PPP1R13B: variants seen among roughly 807,000 people sequenced by gnomAD.
PPP1R13B encodes protein phosphatase 1 regulatory subunit 13B, also known as apoptosis-stimulating of p53 protein 1.
PPP1R13B carries 44 observed loss-of-function variants against 119.8 expected under a neutral mutation model. The ratio of observed to expected loss-of-function variants is 0.37; its 90% CI spans 0.29 to 0.47. The LOEUF (loss-of-function observed/expected upper bound fraction) is 0.47, where lower values mean the gene tolerates loss of function less well. PPP1R13B is among the 20% of genes least tolerant of loss of function. The pLI is 0.99. For missense variants in PPP1R13B, 1,227 were observed against 1,413.5 expected, an observed-to-expected ratio of 0.87 and a Z score of 2.12; for synonymous variants, 542 against 561.5, an observed-to-expected ratio of 0.97 and a Z score of 0.49.
intron 1 of PPP1R13B, among the ~76,000 whole-genome samples, chr14:103,799,460 C>G (rs1378853605): frequency 6.6e-6 from 1 of 151,582 alleles, no homozygotes; most frequent in East Asian, 2.0e-4. Context: ...TTACAGGCGT[C>G]AGCCATTGCG....
chr14:103,749,955 C>A (rs1217932098), intron 7 of PPP1R13B, 21 bp from the exon 8 acceptor site: 2 of 1,605,204 alleles, frequency 1.2e-6, no homozygotes, highest in Admixed American at 3.5e-5. Flanking sequence ...CAAAATACAA[C>A]CTTTATGATT....
Position 103,742,019 on chromosome 14 carries a change from C to A in PPP1R13B, c.1593G>T (p.Pro531=). The A allele has an allele frequency of 1.2e-6, 2 of 1,614,244 alleles. No individual in the cohort carries two copies. The highest frequency in any genetic ancestry group is 1.7e-6 in the Non-Finnish European group (2 of 1,180,052). Residue 531 remains proline, a synonymous_variant, in exon 11 of 17, where the codon CCG becomes CCT. Coordinates refer to ENST00000202556, the MANE Select transcript of PPP1R13B (RefSeq NM_015316.3). The surrounding 1 kb of genome is among the most constrained non-coding windows in gnomAD (Gnocchi z 4.9). ...RISVPPSPTY[P]PAGPPAFPAG... Reference sequence around the variant, plus strand: ...CTGGAAATGCAGGTGGTCCCGCTGGCGGGTACGTGGGACTTGGCGGTACGG... The same window carrying A: ...CTGGAAATGCAGGTGGTCCCGCTGGAGGGTACGTGGGACTTGGCGGTACGG...
chr14:103,737,392 C>T, intron 15 of PPP1R13B: 1 of 259,830 alleles, frequency 3.8e-6, no homozygotes, highest in Non-Finnish European at 7.3e-6. Flanking sequence ...TGGCGAAACA[C>T]TGTCTCTACA....
At position 103,734,655 on chromosome 14, in the gene PPP1R13B, C is replaced by T. The variant is rs767018510; in HGVS notation, c.*499G>A. 4 of 456,618 alleles carry T rather than the reference C, an allele frequency of 8.8e-6. No individual in the cohort carries two copies. Among genetic ancestry groups the T allele is most frequent in the South Asian group, 4.6e-5 (3 of 64,560 alleles). 28.3% of individuals were successfully genotyped at this position (456,618 alleles called of 1,614,324 possible). ...CAGCAACACTGGACATGTTTCCATACAGAGGCTCCTTTGGTGATGAAGGGA... is the reference window on the plus strand; with the variant it reads ...CAGCAACACTGGACATGTTTCCATATAGAGGCTCCTTTGGTGATGAAGGGA... On this transcript the variant is annotated 3_prime_UTR_variant, in exon 17 of 17. Transcript: ENST00000202556.
At chr14:103,792,168 T>TCGTGTG (rs2085637256) in intron 2 of PPP1R13B, among the ~76,000 whole-genome samples, 1 of 62,406 alleles carries the variant, frequency 1.6e-5, no homozygotes, top group South Asian at 7.6e-4. Flanking sequence ...CCTCTATTCA[T>TCGTGTG]CGTGTGTGTG....
At chr14:103,751,554 C>CT (rs780654313) in intron 7 of PPP1R13B, among the ~76,000 whole-genome samples, 6 of 152,140 alleles carry the variant, frequency 3.9e-5, no homozygotes, top group Non-Finnish European at 7.4e-5. Context: ...CCCAAAATCT[C>CT]TATGTTGAAG....
chr14:103,846,844 C>T (rs958872129), intron 1 of PPP1R13B: 9 of 491,278 alleles, frequency 1.8e-5, no homozygotes, highest in Non-Finnish European at 3.1e-5. Flanking sequence ...GGCACCTTTC[C>T]TCAGTACAAC....
chr14:103,742,871 A>T lies in PPP1R13B; in HGVS notation c.1151-48T>A. Reference sequence around the variant, plus strand: ...CGTAAAACTTTTCTCAATGTAGTTGAACCAACCTAAGAATAACACTCTGCC... The same window carrying T: ...CGTAAAACTTTTCTCAATGTAGTTGTACCAACCTAAGAATAACACTCTGCC... On this transcript the variant is annotated intron_variant, in intron 9 of 16. Transcript: ENST00000202556. The surrounding 1 kb of genome is among the most constrained non-coding windows in gnomAD (Gnocchi z 4.9). The T allele has an allele frequency of 6.3e-7, 1 of 1,599,318 alleles. No individual in the cohort carries two copies. The highest frequency in any genetic ancestry group is 8.5e-7 in the Non-Finnish European group (1 of 1,169,908).
At chr14:103,842,716 C>A (rs748830139) in intron 1 of PPP1R13B, among the ~76,000 whole-genome samples, 7 of 151,916 alleles carry the variant, frequency 4.6e-5, no homozygotes, top group Non-Finnish European at 1.0e-4. Context: ...TGGCTCACAC[C>A]TGTAATCCCA....
chr14:103,786,882 A>AT, intron 2 of PPP1R13B, among the ~76,000 whole-genome samples: 1 of 147,008 alleles, frequency 6.8e-6, no homozygotes, highest in African/African-American at 2.5e-5. Flanking sequence ...TAATTTTTGT[A>AT]TTTTTAGTAG....
intron 2 of PPP1R13B, among the ~76,000 whole-genome samples, chr14:103,786,694 G>C (rs970803165): frequency 1.3e-5 from 2 of 150,202 alleles, no homozygotes; most frequent in African/African-American, 4.9e-5. Context: ...GAACCTAGGA[G>C]GCGGAGGTTG....
chr14:103,765,428 C>T (rs536901303), intron 4 of PPP1R13B, among the ~76,000 whole-genome samples: 2 of 152,154 alleles, frequency 1.3e-5, no homozygotes, highest in Non-Finnish European at 2.9e-5. Flanking sequence ...TCTGGCCTCT[C>T]TCCACCAAAC....
rs1177605285 is a variant in PPP1R13B, at chr14:103,783,651, A to G, written c.277+1144T>C. On this transcript the variant is annotated intron_variant, in intron 3 of 16. Coordinates refer to ENST00000202556, the MANE Select transcript of PPP1R13B (RefSeq NM_015316.3). The stretch of plus-strand genomic sequence containing the variant: ...ACTGCAGCCTTCACCTCCTGGGCTC[A>G]ATCGATCCTCCCACCTCAGCCTCCC... 2.6e-5 allele frequency among the ~76,000 whole-genome samples: 4 copies of G among 151,878 alleles called. No individual in the cohort carries two copies. The East Asian group carries it at 5.8e-4, about 22-fold the overall frequency.
At chr14:103,757,819 C>G (rs1285596287) in intron 4 of PPP1R13B, 68 bp from the exon 5 acceptor site, 1 of 1,342,586 alleles carries the variant, frequency 7.4e-7, no homozygotes, top group East Asian at 2.3e-5. Context: ...AGTGTCAAAA[C>G]TCACACATAT....
chr14:103,837,301 T>C (rs1053583971), intron 1 of PPP1R13B, among the ~76,000 whole-genome samples: 1 of 152,182 alleles, frequency 6.6e-6, no homozygotes, highest in Non-Finnish European at 1.5e-5. Context: ...ATTTAACATA[T>C]CTATTTTACC....
chr14:103,800,525 G>A (rs1435479886), intron 1 of PPP1R13B, among the ~76,000 whole-genome samples: 6 of 151,944 alleles, frequency 3.9e-5, no homozygotes, highest in Admixed American at 2.0e-4. Flanking sequence ...GTGGTGGCCC[G>A]CGCCTCTAGT....
intron 1 of PPP1R13B, 152 bp downstream of exon 1, chr14:103,847,147 G>A (rs1371726891): frequency 3.1e-6 from 3 of 982,616 alleles, no homozygotes; most frequent in African/African-American, 3.5e-5. Context: ...CGCCTGGGGG[G>A]CGCCGCGGCC....
At chr14:103,807,002 A>G (rs1458610169) in intron 1 of PPP1R13B, among the ~76,000 whole-genome samples, 1 of 152,178 alleles carries the variant, frequency 6.6e-6, no homozygotes, top group Non-Finnish European at 1.5e-5. Flanking sequence ...AATAAATTTC[A>G]AAGTCCTAAC....
intron 3 of PPP1R13B, among the ~76,000 whole-genome samples, chr14:103,779,085 C>A (rs923054774): frequency 6.6e-6 from 1 of 151,920 alleles, no homozygotes; most frequent in Non-Finnish European, 1.5e-5. Flanking sequence ...CCCATGAGTT[C>A]TAGACCAGCC....
Sources: gnomAD v4.1 joint callset for allele counts (sites outside exome capture counted in the v4.1 genomes callset) on GRCh38, gnomAD v4.1.1 for gene constraint, Gnocchi (gnomAD v3.1) non-coding constraint, MANE v1.5 for transcripts, NCBI Gene and HGNC (gene_info 2026-07-23, HGNC 2026-07-21) for gene names.